VTI1A: variants seen among roughly 807,000 people sequenced by gnomAD.
The protein encoded by VTI1A is vesicle transport through interaction with t-SNAREs homolog 1A.
In VTI1A, 22 loss-of-function variants were observed where a neutral mutation model predicts 34.9. The ratio of observed to expected loss-of-function variants is 0.63; its 90% CI spans 0.45 to 0.90. VTI1A has a LOEUF of 0.90. Among genes scored for constraint, VTI1A ranks in the 40% least tolerant of loss-of-function variants. VTI1A has a pLI of 0.00. For synonymous variants in VTI1A, 87 were observed against 97.3 expected (o/e 0.89, Z 0.62); for missense variants, 268 against 275.6 (o/e 0.97, Z 0.20).
chr10:112,496,539 C>T lies in VTI1A; in HGVS notation c.265-30548C>T, dbSNP rs112142697. ...TGAACCGAGATCGGGCCACTGCACT[C>T]CTGCCTGGGCAACAGAGCAAGACTC... On this transcript the variant is annotated intron_variant, in intron 3 of 7. Coordinates refer to ENST00000393077, the MANE Select transcript of VTI1A (RefSeq NM_145206.4). 6.4e-3 allele frequency among the ~76,000 whole-genome samples: 975 copies of T among 152,086 alleles called. 15 individuals carry two copies. Among genetic ancestry groups the T allele is most frequent in the African/African-American group, 0.022 (930 of 41,506 alleles).
At chr10:112,726,772 A>G (rs1850044507) in intron 7 of VTI1A, among the ~76,000 whole-genome samples, 1 of 152,172 alleles carries the variant, frequency 6.6e-6, no homozygotes, top group Non-Finnish European at 1.5e-5. Context: ...ATTTGTTTTC[A>G]TAGACTAGAT....
chr10:112,731,237 A>G (rs932974613), intron 7 of VTI1A, among the ~76,000 whole-genome samples: 6 of 152,094 alleles, frequency 3.9e-5, no homozygotes, highest in South Asian at 2.1e-4. Context: ...TTTCAGTCCA[A>G]TTTCTTGAAA....
intron 3 of VTI1A, among the ~76,000 whole-genome samples, chr10:112,504,554 A>C (rs956974774): frequency 3.3e-5 from 5 of 152,130 alleles, no homozygotes; most frequent in Admixed American, 6.6e-5. Context: ...AAATTTATTT[A>C]ACCAATCCAT....
the VTI1A span, chr10:112,832,004 A>G: frequency 6.6e-6 from 1 of 152,204 alleles, no homozygotes; most frequent in Admixed American, 6.5e-5. Flanking sequence ...ACAGTGTGGG[A>G]ATCGAGAATA....
chr10:112,664,057 C>T (rs886078734), intron 5 of VTI1A, among the ~76,000 whole-genome samples: 1 of 152,126 alleles, frequency 6.6e-6, no homozygotes, highest in Non-Finnish European at 1.5e-5. Flanking sequence ...GATAACCTTA[C>T]CTTCTCTTAG....
chr10:112,544,270 G>A (rs1439170155), intron 5 of VTI1A, among the ~76,000 whole-genome samples: 1 of 152,124 alleles, frequency 6.6e-6, no homozygotes, highest in Non-Finnish European at 1.5e-5. Flanking sequence ...TTGCTTTGTT[G>A]CCCAGGCTGG....
chr10:112,708,453 G>T (rs1230001539), intron 7 of VTI1A, among the ~76,000 whole-genome samples: 1 of 152,038 alleles, frequency 6.6e-6, no homozygotes, highest in Non-Finnish European at 1.5e-5. Context: ...TTCAAATAAG[G>T]TCCCATGTAT....
rs76299372 is a variant in VTI1A, at chr10:112,597,145, G to T, written c.427+58815G>T. 2.6e-5 allele frequency among the ~76,000 whole-genome samples: 4 copies of T among 152,314 alleles called. No individual in the cohort carries two copies. In the East Asian group the frequency reaches 7.7e-4, roughly 29 times the overall value. ...TTTGAGAATCAAACAGATCTGGGGA[G>T]AGAGTCCTGACATTTCCACTTACGC... is the stretch of plus-strand genomic sequence containing the variant. On this transcript the variant is annotated intron_variant, in intron 5 of 7. Transcript: ENST00000393077.
chr10:112,460,756 ATTC>A (rs1220582990), intron 2 of VTI1A, among the ~76,000 whole-genome samples, 174 bp downstream of exon 2: 2 of 152,106 alleles, frequency 1.3e-5, no homozygotes, highest in African/African-American at 2.4e-5. Context: ...TTGGGATTTT[ATTC>A]TTCTTAGCAA....
At chr10:112,557,338 G>A (rs188392698) in intron 5 of VTI1A, among the ~76,000 whole-genome samples, 20 of 152,262 alleles carry the variant, frequency 1.3e-4, no homozygotes, top group Middle Eastern at 3.4e-3. Context: ...TCTGCTAGGA[G>A]ATTAGTGGAA....
chr10:112,701,527 G>A (rs912402471), intron 7 of VTI1A, among the ~76,000 whole-genome samples: 3 of 152,138 alleles, frequency 2.0e-5, no homozygotes, highest in African/African-American at 7.2e-5. Flanking sequence ...CCTATGTTGA[G>A]GCTCAAGATC....
At chr10:112,500,944 C>T (rs1225025333) in intron 3 of VTI1A, among the ~76,000 whole-genome samples, 1 of 152,170 alleles carries the variant, frequency 6.6e-6, no homozygotes, top group Non-Finnish European at 1.5e-5. Context: ...GGTCAGGCTT[C>T]TTCTTTGTAA....
At chr10:112,853,761 G>A in the VTI1A span, among the ~76,000 whole-genome samples, 1 of 152,258 alleles carries the variant, frequency 6.6e-6, no homozygotes, top group Middle Eastern at 3.4e-3. Flanking sequence ...CTCATCATAA[G>A]GAACAAAAGC....
chr10:112,560,564 G>A (rs1242727664), intron 5 of VTI1A, among the ~76,000 whole-genome samples: 2 of 150,958 alleles, frequency 1.3e-5, no homozygotes, highest in African/African-American at 2.4e-5. Flanking sequence ...GAAGGAAATG[G>A]GCAGCTATAT....
chr10:112,560,832 A>G (rs1182193065), intron 5 of VTI1A, among the ~76,000 whole-genome samples: 1 of 151,944 alleles, frequency 6.6e-6, no homozygotes, highest in African/African-American at 2.4e-5. Context: ...CTTGACCTCA[A>G]GTGATCCACC....
intron 5 of VTI1A, among the ~76,000 whole-genome samples, chr10:112,651,562 GC>G (rs1365107743): frequency 2.0e-5 from 3 of 152,208 alleles, no homozygotes; most frequent in Non-Finnish European, 4.4e-5. Context: ...GCCTGCCTCA[GC>G]CTCCCAAAGT....
At chr10:112,448,053 A>G (rs1847012456) in intron 1 of VTI1A, among the ~76,000 whole-genome samples, 1 of 151,994 alleles carries the variant, frequency 6.6e-6, no homozygotes, top group Non-Finnish European at 1.5e-5. Flanking sequence ...TAAATAAAAT[A>G]AAAGTTGTGC....
rs191469927 is a variant in VTI1A, at chr10:112,640,227, G to C, written c.428-27991G>C. On this transcript the variant is annotated intron_variant, in intron 5 of 7. Transcript: ENST00000393077. ...AAAATAGAACACAGATGCTAAAGAT[G>C]TCATATTAGGACATCTTTAATAGCA... 2.9e-3 allele frequency among the ~76,000 whole-genome samples: 435 copies of C among 152,128 alleles called. 2 individuals are homozygous for C. Among genetic ancestry groups the C allele is most frequent in the Non-Finnish European group, 4.2e-3 (286 of 68,000 alleles).
intron 7 of VTI1A, among the ~76,000 whole-genome samples, chr10:112,754,391 C>T (rs11816319): frequency 0.048 from 7,293 of 152,152 alleles, 600 homozygotes; most frequent in African/African-American, 0.17. Context: ...TCTGTAGAAT[C>T]CAGGAATGTG....
Sources: allele counts gnomAD v4.1 joint callset (sites outside exome capture counted in the v4.1 genomes callset), GRCh38; gene constraint gnomAD v4.1.1; transcripts MANE v1.5; gene names NCBI Gene and HGNC (gene_info 2026-07-23, HGNC 2026-07-21).